NR6A1: variants seen among roughly 807,000 people sequenced by gnomAD.
NR6A1 encodes the protein nuclear receptor subfamily 6 group A member 1.
Under a neutral mutation model 59.1 loss-of-function variants are expected in NR6A1, and 7 were observed. That is an observed-to-expected ratio of 0.12 (90% CI 0.07 to 0.22). The LOEUF is 0.22. Among genes scored for constraint, NR6A1 ranks in the 10% least tolerant of loss-of-function variants. The pLI, the probability that NR6A1 is intolerant of heterozygous loss-of-function variation, is 1.00. For synonymous variants in NR6A1, 243 were observed against 236.1 expected, an observed-to-expected ratio of 1.03 and a Z score of -0.27; for missense variants, 468 against 611.6, an observed-to-expected ratio of 0.77 and a Z score of 2.48.
chr9:124,567,591 C>T (rs1473759089), intron 2 of NR6A1, among the ~76,000 whole-genome samples: 1 of 151,898 alleles, frequency 6.6e-6, no homozygotes, highest in Non-Finnish European at 1.5e-5. Flanking sequence ...ACAATGAGAC[C>T]CTGTTCTCCA....
chr9:124,672,096 G>C (rs1837808937), intron 2 of NR6A1, among the ~76,000 whole-genome samples: 1 of 152,150 alleles, frequency 6.6e-6, no homozygotes, highest in South Asian at 2.1e-4. Flanking sequence ...TCAACATCCT[G>C]TCTGGGAGAC....
Position 124,766,598 on chromosome 9 carries a change from T to C in NR6A1, c.100+4422A>G, listed in dbSNP as rs138285471. ...TAAAAAAAACAGACTGACCCAACAA[T>C]GTAAAATTTACTCTAAAACACATCT... On this transcript the variant is annotated intron_variant, in intron 1 of 9. Transcript: ENST00000487099. Among the ~76,000 whole-genome samples, 842 of 152,326 alleles carry C rather than the reference T, an allele frequency of 5.5e-3. 7 individuals are homozygous for C. The highest frequency in any genetic ancestry group is 0.019 in the African/African-American group (799 of 41,564).
chr9:124,576,630 G>A (rs1272073747), intron 2 of NR6A1, among the ~76,000 whole-genome samples: 1 of 152,168 alleles, frequency 6.6e-6, no homozygotes, highest in Non-Finnish European at 1.5e-5. Context: ...TATTTTAGCT[G>A]TGTGACTTAA....
intron 7 of NR6A1, among the ~76,000 whole-genome samples, chr9:124,535,187 T>C (rs1298360499): frequency 6.6e-6 from 1 of 152,198 alleles, no homozygotes; most frequent in African/African-American, 2.4e-5. Context: ...CTAGGTCTCT[T>C]TCTTGGATTG....
chr9:124,618,102 A>G (rs1835953110), intron 2 of NR6A1, among the ~76,000 whole-genome samples: 1 of 152,140 alleles, frequency 6.6e-6, no homozygotes, highest in South Asian at 2.1e-4. Context: ...TCCATCACAA[A>G]TGTCTGGTTT....
rs186040953 is a variant in NR6A1, at chr9:124,657,966, A to G, written c.142+75342T>C. On this transcript the variant is annotated intron_variant, in intron 2 of 9. Coordinates refer to ENST00000487099, the MANE Select transcript of NR6A1 (RefSeq NM_033334.4). ...CTTTTATTTTTACCTTATCAAACCT[A>G]TAAAATCAAGACCAAGGGTTGGTCT... is the stretch of plus-strand genomic sequence containing the variant. Among the ~76,000 whole-genome samples, 10 of 152,316 alleles carry G rather than the reference A, an allele frequency of 6.6e-5. No individual in the cohort carries two copies. The East Asian group carries it at 1.9e-3, about 29-fold the overall frequency.
At chr9:124,579,732 C>T (rs373645139) in intron 2 of NR6A1, among the ~76,000 whole-genome samples, 11 of 152,200 alleles carry the variant, frequency 7.2e-5, no homozygotes, top group Middle Eastern at 3.4e-3. Flanking sequence ...TAAACATAGC[C>T]GGGCACGGTA....
At chr9:124,687,291 A>ATTATTTATTTATTTACTTAT (rs1554744782) in intron 2 of NR6A1, among the ~76,000 whole-genome samples, 17 of 142,090 alleles carry the variant, frequency 1.2e-4, no homozygotes, top group African/African-American at 4.6e-4. Flanking sequence ...CAGCTAATTA[A>ATTATTTATTTATTTACTTAT]TTATTTATTT....
At chr9:124,550,703 T>C (rs1008266813) in intron 3 of NR6A1, among the ~76,000 whole-genome samples, 3 of 151,842 alleles carry the variant, frequency 2.0e-5, no homozygotes, top group Non-Finnish European at 4.4e-5. Context: ...ACATTTATAT[T>C]TATATTTATA....
intron 2 of NR6A1, among the ~76,000 whole-genome samples, chr9:124,567,798 C>G (rs1468958852): frequency 1.4e-5 from 2 of 141,762 alleles, no homozygotes; most frequent in Non-Finnish European, 3.0e-5. Context: ...TAGGAGGCAG[C>G]AAAGATTCAA....
At chr9:124,709,958 AAAAG>A (rs1161996214) in intron 2 of NR6A1, among the ~76,000 whole-genome samples, 15 of 152,054 alleles carry the variant, frequency 9.9e-5, no homozygotes, top group African/African-American at 2.7e-4. Flanking sequence ...AAAAAAAAAA[AAAAG>A]AAACCCAGTA....
chr9:124,584,692 C>A (rs567882601), intron 2 of NR6A1, among the ~76,000 whole-genome samples: 1 of 152,280 alleles, frequency 6.6e-6, no homozygotes, highest in Admixed American at 6.5e-5. Flanking sequence ...CACTGACCAG[C>A]CATTCCCCCA....
intron 2 of NR6A1, among the ~76,000 whole-genome samples, chr9:124,685,117 TAA>T (rs1296198018): frequency 6.6e-6 from 1 of 152,234 alleles, no homozygotes; most frequent in African/African-American, 2.4e-5. Context: ...ATTTCCCTTC[TAA>T]ATCTGTTTCT....
At chr9:124,603,648 AAT>A (rs1835506564) in intron 2 of NR6A1, among the ~76,000 whole-genome samples, 1 of 152,162 alleles carries the variant, frequency 6.6e-6, no homozygotes, top group African/African-American at 2.4e-5. Context: ...TGGATTCCGA[AAT>A]ATGAGACCAA....
At chr9:124,701,227 T>C (rs983940095) in intron 2 of NR6A1, among the ~76,000 whole-genome samples, 10 of 152,230 alleles carry the variant, frequency 6.6e-5, no homozygotes, top group Non-Finnish European at 1.0e-4. Flanking sequence ...CTACACATCC[T>C]AACACTTTCT....
At chr9:124,569,533 A>G (rs1834378569) in intron 2 of NR6A1, among the ~76,000 whole-genome samples, 1 of 152,216 alleles carries the variant, frequency 6.6e-6, no homozygotes, top group African/African-American at 2.4e-5. Flanking sequence ...TTGACAACTA[A>G]GGCAATCTGG....
chr9:124,640,501 G>T (rs927302315), intron 2 of NR6A1, among the ~76,000 whole-genome samples: 5 of 152,080 alleles, frequency 3.3e-5, no homozygotes, highest in Non-Finnish European at 5.9e-5. Context: ...ATGGGCTCAA[G>T]CAATGTTCCT....
chr9:124,698,043 A>G (rs1838823564), intron 2 of NR6A1, among the ~76,000 whole-genome samples: 1 of 152,214 alleles, frequency 6.6e-6, no homozygotes, highest in African/African-American at 2.4e-5. Flanking sequence ...AGGAGACAAA[A>G]AGCAGACAGG....
intron 2 of NR6A1, among the ~76,000 whole-genome samples, chr9:124,584,453 AG>A (rs1834864889): frequency 1.3e-5 from 2 of 151,980 alleles, no homozygotes; most frequent in Admixed American, 6.6e-5. Context: ...CCCTGCATCA[AG>A]GAAGTCTCAT....
Sources: allele counts gnomAD v4.1 joint callset (sites outside exome capture counted in the v4.1 genomes callset), GRCh38; gene constraint gnomAD v4.1.1; transcripts MANE v1.5; gene names NCBI Gene and HGNC (gene_info 2026-07-23, HGNC 2026-07-21).